The following KCNJ6 variants were observed in gnomAD, a reference collection of about 807,000 sequenced individuals.
KCNJ6 encodes potassium inwardly rectifying channel subfamily J member 6.
Under a neutral mutation model 34.2 loss-of-function variants are expected in KCNJ6, and 9 were observed. That is an observed-to-expected ratio of 0.26 (90% CI 0.16 to 0.46). KCNJ6 has a LOEUF of 0.46. KCNJ6 is among the 20% of genes least tolerant of loss of function. The pLI, the probability that KCNJ6 is intolerant of heterozygous loss-of-function variation, is 1.00. For missense variants in KCNJ6, 236 were observed against 531.3 expected (o/e 0.44, Z 5.46); for synonymous variants, 196 against 207.1 (o/e 0.95, Z 0.46).
rs985436054 is a variant in KCNJ6 at position 37,721,805 on chromosome 21, G to A, written c.26-6674C>T. Among the ~76,000 whole-genome samples the A allele has an allele frequency of 1.2e-4, 18 of 152,258 alleles. 1 individual carries two copies. The South Asian group carries it at 2.5e-3, about 21-fold the overall frequency. ...AGAAAGGGGCACTGGGGAGGGTATG[G>A]GCAACATTACATTTCAATTTGTCTT... On this transcript the variant is annotated intron_variant, in intron 2 of 3. Coordinates refer to ENST00000609713, the MANE Select transcript of KCNJ6 (RefSeq NM_002240.5).
chr21:37,709,293 C>T (rs565203838), intron 3 of KCNJ6, among the ~76,000 whole-genome samples: 11 of 152,192 alleles, frequency 7.2e-5, no homozygotes, highest in South Asian at 6.2e-4. Context: ...GGGTGGATCA[C>T]CTGAGGTGGG....
At chr21:37,634,863 A>C (rs1392345617) in intron 3 of KCNJ6, among the ~76,000 whole-genome samples, 1 of 150,034 alleles carries the variant, frequency 6.7e-6, no homozygotes, top group Non-Finnish European at 1.5e-5. Context: ...GGTTCAAGTG[A>C]TTCTTGTGTC....
At chr21:37,765,781 ATCT>A (rs1191331344) in intron 2 of KCNJ6, among the ~76,000 whole-genome samples, 2 of 152,244 alleles carry the variant, frequency 1.3e-5, no homozygotes, top group African/African-American at 4.8e-5. Context: ...ACACTTCTTC[ATCT>A]TCTTTGTTTC....
chr21:37,790,340 G>T (rs1482889382), intron 2 of KCNJ6, among the ~76,000 whole-genome samples: 1 of 152,116 alleles, frequency 6.6e-6, no homozygotes, highest in Non-Finnish European at 1.5e-5. Flanking sequence ...AGGCAGTAGG[G>T]GGGCATCTGT....
At chr21:37,723,811 C>T (rs1015712688) in intron 2 of KCNJ6, among the ~76,000 whole-genome samples, 4 of 152,064 alleles carry the variant, frequency 2.6e-5, no homozygotes, top group African/African-American at 9.7e-5. Flanking sequence ...ATTGGTACTA[C>T]GTTCACTAAA....
intron 1 of KCNJ6, among the ~76,000 whole-genome samples, chr21:37,895,083 CATTTTCT>C (rs1354698725): frequency 2.6e-5 from 4 of 152,160 alleles, no homozygotes; most frequent in African/African-American, 9.7e-5. Flanking sequence ...CCATATTTTC[CATTTTCT>C]AACTAAAATG....
intron 1 of KCNJ6, among the ~76,000 whole-genome samples, chr21:37,849,299 T>C (rs980266114): frequency 6.6e-6 from 1 of 152,166 alleles, no homozygotes; most frequent in African/African-American, 2.4e-5. Context: ...ATCTATGGCC[T>C]CTTTTGTGGT....
intron 2 of KCNJ6, among the ~76,000 whole-genome samples, chr21:37,837,594 A>T (rs1018975527): frequency 3.2e-4 from 49 of 152,214 alleles, no homozygotes; most frequent in African/African-American, 1.2e-3. Context: ...AGTTCTAGTT[A>T]AACATAGAGA....
intron 2 of KCNJ6, among the ~76,000 whole-genome samples, chr21:37,784,998 C>T (rs2055186363): frequency 6.6e-6 from 1 of 152,320 alleles, no homozygotes; most frequent in South Asian, 2.1e-4. Flanking sequence ...CCCCCAGACT[C>T]GTGTCTGCCT....
intron 1 of KCNJ6, among the ~76,000 whole-genome samples, chr21:37,843,074 C>T (rs574628938): frequency 3.3e-5 from 5 of 152,246 alleles, no homozygotes; most frequent in South Asian, 2.1e-4. Context: ...AACCCCCCAA[C>T]GCCAAACCAT....
intron 3 of KCNJ6, among the ~76,000 whole-genome samples, chr21:37,659,902 A>G (rs2123396968): frequency 6.6e-6 from 1 of 152,374 alleles, no homozygotes; most frequent in African/African-American, 2.4e-5. Context: ...GAACTCAGAA[A>G]ACTGTCTCCC....
intron 1 of KCNJ6, among the ~76,000 whole-genome samples, chr21:37,857,274 G>A (rs983007817): frequency 2.0e-5 from 3 of 152,200 alleles, no homozygotes; most frequent in South Asian, 2.1e-4. Context: ...TAAAGGTGGT[G>A]AGTGAGAAAC....
intron 2 of KCNJ6, among the ~76,000 whole-genome samples, chr21:37,764,736 T>C (rs1477105147): frequency 6.6e-6 from 1 of 152,196 alleles, no homozygotes; most frequent in Non-Finnish European, 1.5e-5. Context: ...CTGCAGTCAG[T>C]TGTATTTTTA....
In KCNJ6 at chr21:37,613,976, CG is replaced by C. The variant is rs1315381366; in HGVS notation, c.*11182del. ...TACCATTGTGGTTTGGCATATCACTCGTGGGGGCGGCCATGCATGCGGGGGC... is the reference window on the plus strand; with the variant it reads ...TACCATTGTGGTTTGGCATATCACTCTGGGGGCGGCCATGCATGCGGGGGC... On this transcript the variant is annotated 3_prime_UTR_variant, in exon 4 of 4. Transcript: ENST00000609713. 1 of 152,002 alleles carries C rather than the reference CG, an allele frequency of 6.6e-6. No homozygotes were observed. Among genetic ancestry groups the C allele is most frequent in the Non-Finnish European group, 1.5e-5 (1 of 68,054 alleles). 9.4% of individuals were successfully genotyped at this position (152,002 alleles called of 1,614,324 possible).
chr21:37,888,411 A>G (rs191146676), intron 1 of KCNJ6, among the ~76,000 whole-genome samples: 231 of 152,292 alleles, frequency 1.5e-3, no homozygotes, highest in Non-Finnish European at 2.6e-3. Flanking sequence ...TAGTCTTGGA[A>G]GTCTGGGTTT....
At chr21:37,739,751 T>C (rs2054930843) in intron 2 of KCNJ6, among the ~76,000 whole-genome samples, 1 of 152,064 alleles carries the variant, frequency 6.6e-6, no homozygotes, top group South Asian at 2.1e-4. Context: ...ATGCCATGCA[T>C]GATGGGGTGA....
At position 37,624,558 on chromosome 21, in the gene KCNJ6, T is replaced by G. The variant is rs2054302258; in HGVS notation, c.*601A>C. 1 of 152,750 alleles carries G rather than the reference T, an allele frequency of 6.5e-6. No homozygotes were observed. Among genetic ancestry groups the G allele is most frequent in the South Asian group, 2.1e-4 (1 of 4,850 alleles). The allele number at this position is 152,750 out of a possible 1,614,324, so 9.5% of individuals were successfully genotyped here. A position where few individuals can be genotyped will look rare whatever the true frequency, so the allele number is the denominator to read the frequency against. On this transcript the variant is annotated 3_prime_UTR_variant, in exon 4 of 4. Coordinates refer to ENST00000609713, the MANE Select transcript of KCNJ6 (RefSeq NM_002240.5). Reference sequence around the variant, plus strand: ...ATCTATGTACAGTATTTAGCAGTTCTGTTCTATGGTACTTTTGTACATGCT... The same window carrying G: ...ATCTATGTACAGTATTTAGCAGTTCGGTTCTATGGTACTTTTGTACATGCT...
chr21:37,607,478 A>AT lies in KCNJ6; in HGVS notation c.*17680dup, dbSNP rs1443757287. The AT allele has an allele frequency of 3.8e-5, 5 of 132,800 alleles. No homozygotes were observed. Among genetic ancestry groups the AT allele is most frequent in the African/African-American group, 8.8e-5 (3 of 34,200 alleles). The allele number at this position is 132,800 out of a possible 1,614,324, so 8.2% of individuals were successfully genotyped here. On this transcript the variant is annotated 3_prime_UTR_variant, in exon 4 of 4. Transcript: ENST00000609713. ...AGTTCTTAAAGATATATATATATATATATATTTTTTTTTTATTTTAAAAAA... is the reference window on the plus strand; with the variant it reads ...AGTTCTTAAAGATATATATATATATATTATATTTTTTTTTTATTTTAAAAAA...
intron 1 of KCNJ6, among the ~76,000 whole-genome samples, chr21:37,868,706 A>T (rs891795940): frequency 1.3e-5 from 2 of 152,242 alleles, no homozygotes; most frequent in African/African-American, 4.8e-5. Flanking sequence ...TTAGGGGACA[A>T]TCCCTGTGTA....
Sources: gnomAD v4.1 joint callset for allele counts (sites outside exome capture counted in the v4.1 genomes callset) on GRCh38, gnomAD v4.1.1 for gene constraint, MANE v1.5 for transcripts, NCBI Gene and HGNC (gene_info 2026-07-23, HGNC 2026-07-21) for gene names.